PPP1CC: variants seen among roughly 807,000 people sequenced by gnomAD.
PPP1CC encodes serine/threonine-protein phosphatase PP1-gamma catalytic subunit.
Under a neutral mutation model 38.4 loss-of-function variants are expected in PPP1CC, and 16 were observed. The ratio of observed to expected loss-of-function variants is 0.42; its 90% CI spans 0.28 to 0.63. PPP1CC has a LOEUF of 0.63. Among genes scored for constraint, PPP1CC ranks in the 30% least tolerant of loss-of-function variants. PPP1CC has a pLI of 0.25. For missense variants in PPP1CC, 170 were observed against 391.3 expected (o/e 0.43, Z 4.77); for synonymous variants, 158 against 136.0 (o/e 1.16, Z -1.13).
Position 110,742,890 on chromosome 12 carries a change from A to T in PPP1CC, c.-183T>A, listed in dbSNP as rs2070037544. ...TTCTCTCCCCACTGGAACCACGAGA[A>T]GAACAAAATGGCCGCCGACTCCTTA... On this transcript the variant is annotated 5_prime_UTR_variant, in exon 1 of 7. Transcript: ENST00000335007. 4.7e-6 allele frequency: 2 copies of T among 421,218 alleles called. No individual in the cohort carries two copies. Among genetic ancestry groups the T allele is most frequent in the African/African-American group, 4.1e-5 (2 of 48,866 alleles). 26.1% of individuals were successfully genotyped at this position (421,218 alleles called of 1,614,324 possible). A position where few individuals can be genotyped will look rare whatever the true frequency, so the allele number is the denominator to read the frequency against.
At chr12:110,737,351 G>A (rs1370337741) in intron 1 of PPP1CC, among the ~76,000 whole-genome samples, 1 of 151,654 alleles carries the variant, frequency 6.6e-6, no homozygotes, top group African/African-American at 2.4e-5. Flanking sequence ...GGTGGTACAT[G>A]CCTGTAGTCC....
chr12:110,719,188 T>C (rs1008013418), downstream of PPP1CC, among the ~76,000 whole-genome samples: 2 of 152,122 alleles, frequency 1.3e-5, no homozygotes, highest in African/African-American at 2.4e-5. Flanking sequence ...TACGTAAAAG[T>C]GAAACAGCAC....
intron 6 of PPP1CC, chr12:110,721,390 C>T: frequency 1.5e-5 from 6 of 409,226 alleles, no homozygotes; most frequent in Middle Eastern, 6.8e-4. Context: ...TATTTTGCCT[C>T]TGAGTATAAT....
chr12:110,730,762 G>A lies in PPP1CC; in HGVS notation c.188-3C>T. 1.3e-6 allele frequency: 2 copies of A among 1,589,564 alleles called. No individual in the cohort carries two copies. Among genetic ancestry groups the A allele is most frequent in the Non-Finnish European group, 1.7e-6 (2 of 1,167,272 alleles). ...ATAGTATTGTCCATGGATGTCACCT[G>A]GAAGCAAGAATTTTGTTACACAGTG... is the stretch of plus-strand genomic sequence containing the variant. On this transcript the variant is annotated splice_polypyrimidine_tract_variant and splice_region_variant and intron_variant, in intron 2 of 6. Coordinates refer to ENST00000335007, the MANE Select transcript of PPP1CC (RefSeq NM_002710.4).
At chr12:110,735,840 G>A (rs1184948810) in intron 1 of PPP1CC, among the ~76,000 whole-genome samples, 7 of 151,572 alleles carry the variant, frequency 4.6e-5, no homozygotes, top group Non-Finnish European at 7.4e-5. Flanking sequence ...CGAAGCGGGC[G>A]GATCACCTGA....
chr12:110,724,739 T>C lies in PPP1CC; in HGVS notation c.444A>G (p.Leu148=), dbSNP rs747132655. ...TAAAACAGTCTGTGAAAGTTTTCCA[T>C]AGTTTAATGTTGTATCTTCTTTTAC... The part of the protein sequence containing the change: ...DECKRRYNIK[L]WKTFTDCFNC... Residue 148 remains leucine (L), a synonymous_variant, in exon 4 of 7, where the codon CTA becomes CTG. Transcript: ENST00000335007. The C allele has an allele frequency of 8.7e-6, 14 of 1,605,272 alleles. No individual in the cohort carries two copies. The highest frequency in any genetic ancestry group is 4.5e-5 in the East Asian group (2 of 44,812).
chr12:110,735,736 T>C (rs996531943), intron 1 of PPP1CC, among the ~76,000 whole-genome samples: 2 of 148,900 alleles, frequency 1.3e-5, no homozygotes, highest in African/African-American at 2.5e-5. Context: ...GAGCCGAGAT[T>C]GTGCCACTGC....
At chr12:110,713,212 AACC>A in the PPP1CC span, among the ~76,000 whole-genome samples, 1 of 151,730 alleles carries the variant, frequency 6.6e-6, no homozygotes, top group Non-Finnish European at 1.5e-5. Flanking sequence ...GGCTCACTGC[AACC>A]ACCACCTCCT....
At chr12:110,708,805 C>T in the PPP1CC span, among the ~76,000 whole-genome samples, 6 of 148,350 alleles carry the variant, frequency 4.0e-5, no homozygotes, top group South Asian at 4.2e-4. Context: ...GAGCTGAGAT[C>T]GCACCACTGC....
In PPP1CC at chr12:110,722,364, C is replaced by T; in HGVS notation, c.748-95G>A. 6.4e-7 allele frequency: 1 copy of T among 1,562,160 alleles called. No individual in the cohort carries two copies. The highest frequency in any genetic ancestry group is 8.8e-7 in the Non-Finnish European group (1 of 1,139,172). ...CCATTGAGCCTGATATCTTGTGTTC[C>T]AGAAACACTTTGTATAAATAAGCAA... On this transcript the variant is annotated intron_variant, in intron 5 of 6. Coordinates refer to ENST00000335007, the MANE Select transcript of PPP1CC (RefSeq NM_002710.4). The surrounding 1 kb of genome is among the most constrained non-coding windows in gnomAD (Gnocchi z 5.4).
chr12:110,716,356 CTT>C (rs11065705), downstream of PPP1CC, among the ~76,000 whole-genome samples: 11 of 145,260 alleles, frequency 7.6e-5, no homozygotes, highest in Non-Finnish European at 7.6e-5. Context: ...TTAGTTTTAA[CTT>C]TTTTTTTTTT....
In PPP1CC at chr12:110,720,130, T is replaced by C; in HGVS notation, c.*946A>G. The C allele has an allele frequency of 1.9e-6, 3 of 1,547,608 alleles. No individual in the cohort carries two copies. Among genetic ancestry groups the C allele is most frequent in the Non-Finnish European group, 2.6e-6 (3 of 1,152,222 alleles). ...AGAATGTAGGCCAAAGAAAGCATAA[T>C]CGGTCACTCGTATAGAACAGTATTG... On this transcript the variant is annotated 3_prime_UTR_variant, in exon 7 of 7. Transcript: ENST00000335007.
At chr12:110,718,385 A>G (rs1280995408), downstream of PPP1CC, among the ~76,000 whole-genome samples, 2 of 152,226 alleles carry the variant, frequency 1.3e-5, no homozygotes, top group Non-Finnish European at 2.9e-5. Context: ...AACCAAACCA[A>G]AACACTTAAT....
intron 1 of PPP1CC, chr12:110,732,588 T>C (rs1407346134): frequency 6.6e-6 from 1 of 152,226 alleles, no homozygotes; most frequent in African/African-American, 2.4e-5. Flanking sequence ...TTGTACTTAT[T>C]TTGCCATGCA....
chr12:110,714,153 G>A, the PPP1CC span, among the ~76,000 whole-genome samples: 1 of 152,156 alleles, frequency 6.6e-6, no homozygotes, highest in African/African-American at 2.4e-5. Context: ...ATTGACCTCA[G>A]CAAGATTATG....
chr12:110,732,334 T>A (rs145064023), intron 1 of PPP1CC: 3,137 of 195,738 alleles, frequency 0.016, 110 homozygotes, highest in African/African-American at 0.067. Context: ...GAGGCGGAGG[T>A]TGCAGTGAGC....
downstream of PPP1CC, among the ~76,000 whole-genome samples, chr12:110,714,805 CAAAAAAAAAAAAAAA>C (rs1164975036): frequency 2.7e-4 from 6 of 22,064 alleles, no homozygotes; most frequent in East Asian, 2.0e-3. Flanking sequence ...GACTCTGTCT[CAAAAAAAAAAAAAAA>C]AAAAAAAAAA....
chr12:110,724,401 A>G (rs1217548232), intron 4 of PPP1CC, among the ~76,000 whole-genome samples: 1 of 152,102 alleles, frequency 6.6e-6, no homozygotes, highest in East Asian at 1.9e-4. Context: ...TCCTTACAAA[A>G]AATAAAATAA....
intron 4 of PPP1CC, among the ~76,000 whole-genome samples, chr12:110,723,877 T>C (rs1351624255): frequency 6.6e-6 from 1 of 152,206 alleles, no homozygotes; most frequent in African/African-American, 2.4e-5. Context: ...AGGGAAAATC[T>C]ACTCACATCT....
Sources: gnomAD v4.1 joint callset for allele counts (sites outside exome capture counted in the v4.1 genomes callset) on GRCh38, gnomAD v4.1.1 for gene constraint, Gnocchi (gnomAD v3.1) non-coding constraint, MANE v1.5 for transcripts, NCBI Gene and HGNC (gene_info 2026-07-23, HGNC 2026-07-21) for gene names.